FGF2: variants seen among roughly 807,000 people sequenced by gnomAD.
FGF2 encodes the protein basic fibroblast growth factor bFGF.
A neutral mutation model predicts 15.9 loss-of-function variants in FGF2; 13 were observed. The ratio of observed to expected loss-of-function variants is 0.82; its 90% CI spans 0.53 to 1.30. The LOEUF (loss-of-function observed/expected upper bound fraction) is 1.30. FGF2 is among the 50% of genes most tolerant of loss of function. The probability of loss-of-function intolerance (pLI) is 0.00; values close to 1 mark genes in which losing one functional copy is unlikely to be tolerated. For missense variants in FGF2, 163 were observed against 196.9 expected (o/e 0.83, Z 1.03); for synonymous variants, 90 against 78.4 (o/e 1.15, Z -0.78).
intron 1 of FGF2, chr4:122,840,453 G>C (rs1725957924): frequency 6.6e-6 from 1 of 152,356 alleles, no homozygotes; most frequent in African/African-American, 2.4e-5. Context: ...AGGCTATTAA[G>C]AAGTTTGTCA....
intron 1 of FGF2, among the ~76,000 whole-genome samples, chr4:122,828,689 A>C (rs551031508): frequency 6.6e-6 from 1 of 152,344 alleles, no homozygotes; most frequent in Non-Finnish European, 1.5e-5. Context: ...CCAAAATAGC[A>C]ACCTGCAAGA....
intron 1 of FGF2, among the ~76,000 whole-genome samples, chr4:122,871,621 G>C (rs1318850995): frequency 6.6e-6 from 1 of 152,008 alleles, no homozygotes; most frequent in Non-Finnish European, 1.5e-5. Context: ...TGCTCCTCGA[G>C]GTCAGAGGAC....
At chr4:122,882,093 A>G (rs1726970618) in intron 2 of FGF2, 1 of 152,214 alleles carries the variant, frequency 6.6e-6, no homozygotes, top group Non-Finnish European at 1.5e-5. Flanking sequence ...ACTTGTCTCC[A>G]TGATTCAGTT....
chr4:122,859,112 A>C lies in FGF2; in HGVS notation c.179-17209A>C, dbSNP rs565093760. Reference sequence around the variant, plus strand: ...GCTTTCTGATTATCTTAGTACCCTAAATTGAGAGTTTCAGTTTGCTTGGGT... The same window carrying C: ...GCTTTCTGATTATCTTAGTACCCTACATTGAGAGTTTCAGTTTGCTTGGGT... On this transcript the variant is annotated intron_variant, in intron 1 of 2. Transcript: ENST00000644866. Among the ~76,000 whole-genome samples the C allele has an allele frequency of 3.9e-5, 6 of 152,312 alleles. No individual in the cohort carries two copies. In the East Asian group the frequency reaches 9.6e-4, roughly 24 times the overall value.
intron 1 of FGF2, among the ~76,000 whole-genome samples, chr4:122,851,720 T>C (rs1726236245): frequency 6.6e-6 from 1 of 152,222 alleles, no homozygotes; most frequent in South Asian, 2.1e-4. Context: ...TCATGTGGCT[T>C]TTCTTCCTGG....
In FGF2 at chr4:122,892,555, T is replaced by G; in HGVS notation, c.*159T>G. 1.4e-6 allele frequency: 2 copies of G among 1,459,390 alleles called. No homozygotes were observed. The highest frequency in any genetic ancestry group is 5.0e-5 in the East Asian group (2 of 40,362). 90.4% of individuals were successfully genotyped at this position (1,459,390 alleles called of 1,614,324 possible). A position where few individuals can be genotyped will look rare whatever the true frequency, so the allele number is the denominator to read the frequency against. ...GTAAAATATGTAACCATTGTCCCAG[T>G]AAAGAAAAATAACAAAAGTTGTAAA... On this transcript the variant is annotated 3_prime_UTR_variant, in exon 3 of 3. Coordinates refer to ENST00000644866, the MANE Select transcript of FGF2 (RefSeq NM_001361665.2).
intron 1 of FGF2, among the ~76,000 whole-genome samples, chr4:122,862,504 G>A (rs1214112672): frequency 2.0e-5 from 3 of 152,196 alleles, no homozygotes; most frequent in Non-Finnish European, 4.4e-5. Flanking sequence ...TGTGTTGAGT[G>A]CCAATGATCT....
chr4:122,879,879 C>T (rs1220620736), intron 2 of FGF2, among the ~76,000 whole-genome samples: 1 of 152,132 alleles, frequency 6.6e-6, no homozygotes, highest in African/African-American at 2.4e-5. Context: ...GGGTCCTTCC[C>T]ATAACACATG....
chr4:122,854,991 G>A (rs1198815204), intron 1 of FGF2, among the ~76,000 whole-genome samples: 3 of 151,962 alleles, frequency 2.0e-5, no homozygotes, highest in African/African-American at 7.3e-5. Flanking sequence ...TCCTCCTCCG[G>A]GCACACACAT....
chr4:122,891,673 T>C (rs1419770175), intron 2 of FGF2, among the ~76,000 whole-genome samples: 1 of 152,218 alleles, frequency 6.6e-6, no homozygotes, highest in East Asian at 1.9e-4. Context: ...TTAAAACTTT[T>C]TGTTAAAATT....
chr4:122,842,250 A>C (rs1231082742), intron 1 of FGF2, among the ~76,000 whole-genome samples: 1 of 152,200 alleles, frequency 6.6e-6, no homozygotes. Context: ...TCCTCCAGAC[A>C]GAGAGTTTTA....
At chr4:122,837,690 G>T (rs1725894255) in intron 1 of FGF2, among the ~76,000 whole-genome samples, 1 of 151,984 alleles carries the variant, frequency 6.6e-6, no homozygotes. Flanking sequence ...TTACTCACTG[G>T]CTGGATGACT....
intron 1 of FGF2, among the ~76,000 whole-genome samples, chr4:122,862,476 G>T (rs1726491824): frequency 6.6e-6 from 1 of 152,100 alleles, no homozygotes; most frequent in Admixed American, 6.5e-5. Context: ...TGGCTTTTTG[G>T]TCCTACTGTT....
intron 1 of FGF2, among the ~76,000 whole-genome samples, chr4:122,844,399 C>G (rs953583244): frequency 4.6e-5 from 7 of 152,182 alleles, no homozygotes; most frequent in Non-Finnish European, 1.5e-5. Context: ...TCAAAGTCAT[C>G]ATGAGGGTTG....
At chr4:122,851,946 A>G (rs1726240221) in intron 1 of FGF2, among the ~76,000 whole-genome samples, 1 of 152,166 alleles carries the variant, frequency 6.6e-6, no homozygotes. Context: ...AATAGCTACT[A>G]TGTTGGTATT....
chr4:122,876,948 A>G (rs1162717167), intron 2 of FGF2, among the ~76,000 whole-genome samples: 1 of 152,190 alleles, frequency 6.6e-6, no homozygotes, highest in African/African-American at 2.4e-5. Context: ...TTACCTGTAA[A>G]ATAGAAACAA....
chr4:122,847,422 A>G (rs928983410), intron 1 of FGF2, among the ~76,000 whole-genome samples: 6 of 152,138 alleles, frequency 3.9e-5, no homozygotes, highest in East Asian at 1.9e-4. Flanking sequence ...GGTTTGGTCT[A>G]TGAGCAGCAG....
intron 1 of FGF2, among the ~76,000 whole-genome samples, chr4:122,868,529 A>G (rs1355149221): frequency 1.3e-5 from 2 of 152,076 alleles, no homozygotes; most frequent in African/African-American, 4.8e-5. Flanking sequence ...ATTGATGGGC[A>G]TTTGGGTTGG....
chr4:122,887,120 C>G (rs548049369), intron 2 of FGF2, among the ~76,000 whole-genome samples: 2 of 152,192 alleles, frequency 1.3e-5, no homozygotes, highest in African/African-American at 4.8e-5. Flanking sequence ...TCGAGACCAG[C>G]CTGACCAACA....
Sources: gnomAD v4.1 joint callset for allele counts (sites outside exome capture counted in the v4.1 genomes callset) on GRCh38, gnomAD v4.1.1 for gene constraint, MANE v1.5 for transcripts, NCBI Gene and HGNC (gene_info 2026-07-23, HGNC 2026-07-21) for gene names.